Variants in DAB1 observed in about 807,000 individuals in gnomAD.
DAB1 encodes disabled homolog 1.
A neutral mutation model predicts 64.6 loss-of-function variants in DAB1; 15 were observed. That is an observed-to-expected ratio of 0.23 (90% CI 0.16 to 0.36). The LOEUF (loss-of-function observed/expected upper bound fraction) is 0.36, where lower values mean the gene tolerates loss of function less well. DAB1 is among the 10% of genes least tolerant of loss of function. The pLI is 1.00. For synonymous variants in DAB1, 235 were observed against 251.9 expected, an observed-to-expected ratio of 0.93 and a Z score of 0.64; for missense variants, 596 against 706.7, an observed-to-expected ratio of 0.84 and a Z score of 1.78.
chr1:57,906,937 CAGATAGATAGATAGATAGATAGATAGAT>C (rs5774378), intron 5 of DAB1, among the ~76,000 whole-genome samples: 2 of 146,748 alleles, frequency 1.4e-5, no homozygotes, highest in Admixed American at 6.9e-5. Flanking sequence ...ATATAATATG[CAGATAGATAGATAGATAGATAGATAGAT>C]AGATAGATAG....
At chr1:58,142,391 T>A (rs1173395681) in intron 5 of DAB1, among the ~76,000 whole-genome samples, 2 of 152,224 alleles carry the variant, frequency 1.3e-5, no homozygotes, top group Non-Finnish European at 2.9e-5. Context: ...ATTCCATTTT[T>A]AATTTCTTTT....
intron 5 of DAB1, among the ~76,000 whole-genome samples, chr1:58,010,262 G>A (rs774311461): frequency 4.6e-5 from 7 of 152,128 alleles, no homozygotes; most frequent in Non-Finnish European, 1.0e-4. Flanking sequence ...CAAGGCCACA[G>A]ACTTAGTTGG....
At chr1:57,171,083 G>A (rs1389944671) in intron 2 of DAB1, among the ~76,000 whole-genome samples, 3 of 152,266 alleles carry the variant, frequency 2.0e-5, no homozygotes, top group South Asian at 2.1e-4. Flanking sequence ...GTCAATGGAT[G>A]CAGTGCTGCC....
intron 7 of DAB1, among the ~76,000 whole-genome samples, chr1:57,477,777 A>C (rs778294481): frequency 3.9e-5 from 6 of 152,160 alleles, no homozygotes; most frequent in Non-Finnish European, 8.8e-5. Context: ...CCCAGTCCTG[A>C]AAGGATGTCA....
chr1:58,523,982 G>C (rs1646309670), intron 2 of DAB1, among the ~76,000 whole-genome samples: 2 of 152,316 alleles, frequency 1.3e-5, no homozygotes, highest in South Asian at 2.1e-4. Flanking sequence ...AACCAATCCA[G>C]AAAAAGCGTT....
chr1:57,455,187 C>A (rs1686539859), intron 7 of DAB1, among the ~76,000 whole-genome samples: 1 of 152,098 alleles, frequency 6.6e-6, no homozygotes, highest in Non-Finnish European at 1.5e-5. Context: ...AGTAATTATG[C>A]TTGGCATATA....
At chr1:57,755,034 A>C (rs1171640567) in intron 6 of DAB1, among the ~76,000 whole-genome samples, 2 of 152,214 alleles carry the variant, frequency 1.3e-5, no homozygotes, top group Admixed American at 1.3e-4. Context: ...GTAAAAAGGT[A>C]ATCAAACACA....
chr1:57,572,584 A>G (rs1305610531), intron 7 of DAB1, among the ~76,000 whole-genome samples: 1 of 152,200 alleles, frequency 6.6e-6, no homozygotes, highest in African/African-American at 2.4e-5. Flanking sequence ...TGAGGATTAA[A>G]TGAGTTAATC....
At chr1:58,454,156 A>G (rs1645167566) in intron 3 of DAB1, among the ~76,000 whole-genome samples, 1 of 152,162 alleles carries the variant, frequency 6.6e-6, no homozygotes, top group Non-Finnish European at 1.5e-5. Context: ...CCAATTAGCA[A>G]TTGGATAAAG....
rs367686780 is a variant in DAB1 at position 58,514,694 on chromosome 1, T to C, written n.108-8485A>G. On this transcript the variant is annotated intron_variant and non_coding_transcript_variant, in intron 2 of 20. Coordinates refer to the DAB1 transcript ENST00000485760. ...ATTGTGGCAGGGGGAGCTGGGCTCC[T>C]ACAGCTAGAAAAATACACTGAGGCT... Among the ~76,000 whole-genome samples the C allele has an allele frequency of 7.2e-3, 1,099 of 152,278 alleles. 18 individuals are homozygous for C. The highest frequency in any genetic ancestry group is 0.025 in the African/African-American group (1,037 of 41,552).
chr1:57,801,331 T>C lies in DAB1; in HGVS notation n.551+82668A>G, dbSNP rs558224349. Among the ~76,000 whole-genome samples, 5 of 152,272 alleles carry C rather than the reference T, an allele frequency of 3.3e-5. No individual in the cohort carries two copies. The South Asian group carries it at 6.2e-4, about 19-fold the overall frequency. On this transcript the variant is annotated intron_variant and non_coding_transcript_variant, in intron 6 of 20. Transcript: ENST00000485760. ...TGACAGACTAGGTTATCCACGGGTA[T>C]GTAAAGAAAATGAATGTGAAGATGC...
intron 3 of DAB1, among the ~76,000 whole-genome samples, chr1:58,411,594 G>A (rs1041580857): frequency 2.0e-5 from 3 of 152,156 alleles, no homozygotes; most frequent in African/African-American, 7.2e-5. Flanking sequence ...CAAAGAGAAA[G>A]AGAACTACTT....
intron 5 of DAB1, among the ~76,000 whole-genome samples, chr1:58,117,307 T>G (rs1767574): frequency 0.42 from 63,688 of 152,124 alleles, 14,436 homozygotes; most frequent in East Asian, 0.82. Context: ...TTTGCATTTG[T>G]TCTTCAGGAC....
At chr1:57,448,890 T>C (rs75165770) in intron 7 of DAB1, among the ~76,000 whole-genome samples, 1,903 of 152,300 alleles carry the variant, frequency 0.012, 44 homozygotes, top group African/African-American at 0.044. Flanking sequence ...ACTTCATTGA[T>C]TTTATGCTCC....
intron 7 of DAB1, among the ~76,000 whole-genome samples, chr1:57,559,735 A>C (rs1645029994): frequency 6.6e-6 from 1 of 152,206 alleles, no homozygotes; most frequent in Non-Finnish European, 1.5e-5. Flanking sequence ...AGCTGGCAGA[A>C]ACCCCACATC....
At chr1:57,763,353 T>C (rs949909210) in intron 6 of DAB1, among the ~76,000 whole-genome samples, 3 of 152,106 alleles carry the variant, frequency 2.0e-5, no homozygotes, top group African/African-American at 7.2e-5. Flanking sequence ...AGCAAAGTAA[T>C]GGTAAGATTT....
intron 5 of DAB1, among the ~76,000 whole-genome samples, chr1:58,061,500 GC>G (rs1648502045): frequency 6.6e-6 from 1 of 152,064 alleles, no homozygotes. Flanking sequence ...TCTTCACATG[GC>G]CCTGTGTCTG....
At chr1:58,520,529 T>C (rs1646245830) in intron 2 of DAB1, among the ~76,000 whole-genome samples, 1 of 152,142 alleles carries the variant, frequency 6.6e-6, no homozygotes, top group Admixed American at 6.5e-5. Flanking sequence ...AGACTAACTT[T>C]TCCCCAAAAA....
intron 7 of DAB1, among the ~76,000 whole-genome samples, chr1:57,437,849 C>T (rs1023137737): frequency 4.2e-4 from 64 of 152,306 alleles, no homozygotes; most frequent in African/African-American, 1.5e-3. Context: ...GAGTTCCTAA[C>T]CAAACAGGAG....
Sources: gnomAD v4.1 joint callset for allele counts (sites outside exome capture counted in the v4.1 genomes callset) on GRCh38, gnomAD v4.1.1 for gene constraint, MANE v1.5 for transcripts, NCBI Gene and HGNC (gene_info 2026-07-23, HGNC 2026-07-21) for gene names.